Variants in MYH6 observed in about 807,000 individuals in gnomAD.
The protein encoded by MYH6 is myosin heavy chain 6.
MYH6 carries 126 observed loss-of-function variants against 223.2 expected under a neutral mutation model. The ratio of observed to expected loss-of-function variants is 0.56; its 90% CI spans 0.49 to 0.65. The LOEUF is 0.65. MYH6 is among the 30% of genes least tolerant of loss of function. The pLI is 0.00. For missense variants in MYH6, 2,040 were observed against 2,536.4 expected (o/e 0.80, Z 4.20); for synonymous variants, 978 against 1,010.2 (o/e 0.97, Z 0.61).
chr14:23,402,883 A>T, intron 10 of MYH6, 83 bp from the exon 11 acceptor site: 87 of 187,006 alleles, frequency 4.7e-4, no homozygotes, highest in Non-Finnish European at 6.1e-4. Flanking sequence ...AAAGGGAGGG[A>T]GGGGCAGGGA....
chr14:23,407,056 T>G lies in MYH6; in HGVS notation c.168A>C (p.Gly56=). The change falls in exon 3 of 39, where the codon GGA becomes GGC. Residue 56 remains glycine, a synonymous_variant. Coordinates refer to ENST00000405093, the MANE Select transcript of MYH6 (RefSeq NM_002471.4). The surrounding 1 kb of genome is among the most constrained non-coding windows in gnomAD (Gnocchi z 5.6). ...FVKAKILSRE[G]GKVIAETENG... ...TCTCGGTTTCAGCAATGACCTTGCC[T>G]CCCTCCCGGGACAAAATCTTGGCTT... The G allele has an allele frequency of 6.2e-7, 1 of 1,614,130 alleles. No individual in the cohort carries two copies. Among genetic ancestry groups the G allele is most frequent in the Non-Finnish European group, 8.5e-7 (1 of 1,180,034 alleles).
At position 23,407,362 on chromosome 14, in the gene MYH6, G is replaced by C. The variant is rs1199753861; in HGVS notation, c.-13-126C>G. 5 of 1,200,106 alleles carry C rather than the reference G, an allele frequency of 4.2e-6. No individual in the cohort carries two copies. Among genetic ancestry groups the C allele is most frequent in the African/African-American group, 1.5e-5 (1 of 66,490 alleles). 74.3% of individuals were successfully genotyped at this position (1,200,106 alleles called of 1,614,324 possible). The stretch of plus-strand genomic sequence containing the variant: ...CTCCACCCTGGGAGAGGCACCTGCT[G>C]TTGCACCCTCCCCTACTCAGGGCTC... On this transcript the variant is annotated intron_variant, in intron 2 of 38. Coordinates refer to ENST00000405093, the MANE Select transcript of MYH6 (RefSeq NM_002471.4). This position sits in a 1 kb window ranked among gnomAD's most constrained non-coding sequence, Gnocchi z 5.6.
chr14:23,389,169 G>T, intron 28 of MYH6, 114 bp from the exon 29 acceptor site: 1 of 1,300,320 alleles, frequency 7.7e-7, no homozygotes, highest in Non-Finnish European at 1.0e-6. Flanking sequence ...CATGTGGGCT[G>T]ATGTGGCACC....
chr14:23,383,820 C>T (rs1308305997), intron 36 of MYH6, among the ~76,000 whole-genome samples: 1 of 152,222 alleles, frequency 6.6e-6, no homozygotes, highest in African/African-American at 2.4e-5. Context: ...ATTCCTATCT[C>T]TTTATCATTG....
intron 38 of MYH6, 91 bp from the exon 39 acceptor site, chr14:23,382,154 A>G: frequency 7.6e-7 from 1 of 1,323,766 alleles, no homozygotes. Context: ...GGCCTAAGGG[A>G]GATGCCCTTG....
chr14:23,393,342 A>G lies in MYH6; in HGVS notation c.3105T>C (p.Asp1035=). Reference sequence around the variant, plus strand: ...CAGGAGCATGGTTCTTACTACTCACATCATCCACCTGCTGCTCCAGCTTGA... The same window carrying G: ...CAGGAGCATGGTTCTTACTACTCACGTCATCCACCTGCTGCTCCAGCTTGA... The part of the protein sequence containing the change: ...SKVKLEQQVD[D]LEGSLEQEKK... The change falls in exon 23 of 39, where the codon GAT becomes GAC. Residue 1035 remains aspartate, a splice_region_variant and synonymous_variant. Transcript: ENST00000405093. 6.2e-7 allele frequency: 1 copy of G among 1,614,182 alleles called. No homozygotes were observed. Among genetic ancestry groups the G allele is most frequent in the Non-Finnish European group, 8.5e-7 (1 of 1,180,018 alleles).
rs77416370 is a variant in MYH6, at chr14:23,386,105, C to T, written c.4986G>A (p.Ala1662=). ...LKDTQIQLDD[A]VRANDDLKEN... ...CCTTCAGGTCGTCGTTGGCACGGAC[C>T]GCATCGTCCAGCTGGATCTGGGTGT... is the stretch of plus-strand genomic sequence containing the variant. Residue 1662 remains alanine (A), a synonymous_variant, in exon 34 of 39, where the codon GCG becomes GCA. Transcript: ENST00000405093. The T allele has an allele frequency of 6.3e-4, 1,013 of 1,614,216 alleles. 4 individuals are homozygous for T. In the East Asian group the frequency reaches 0.01, roughly 16 times the overall value.
chr14:23,399,725 A>T, intron 14 of MYH6: 1 of 190,108 alleles, frequency 5.3e-6, no homozygotes, highest in Non-Finnish European at 1.1e-5. Flanking sequence ...CTCCCATTTC[A>T]TGAAGGCCGT....
Position 23,396,759 on chromosome 14 carries a change from C to T in MYH6, c.2227G>A (p.Gly743Arg). Residue 743 changes from glycine to arginine, a missense_variant, in exon 19 of 39, where the codon GGG becomes AGG. This residue lies in a region of MYH6 where 649 missense variants were observed against 877.3 expected (regional missense o/e 0.74). Transcript: ENST00000405093. ...PEGQFIDSRK[G>R]TEKLLSSLDI... is the part of the protein sequence containing the mutation. ...AGAGAGCTGAGCAGCTTCTCTGTCC[C>T]CTTCCTGCTATCAATGAACTGTCCC... is the stretch of plus-strand genomic sequence containing the variant. 6.2e-7 allele frequency: 1 copy of T among 1,614,012 alleles called. No individual in the cohort carries two copies. Among genetic ancestry groups the T allele is most frequent in the Non-Finnish European group, 8.5e-7 (1 of 1,179,872 alleles).
Position 23,407,502 on chromosome 14 carries a change from C to T in MYH6, c.-14+74G>A. The T allele has an allele frequency of 7.6e-7, 1 of 1,323,120 alleles. No individual in the cohort carries two copies. The highest frequency in any genetic ancestry group is 9.8e-7 in the Non-Finnish European group (1 of 1,023,320). The allele number at this position is 1,323,120 out of a possible 1,614,324, so 82.0% of individuals were successfully genotyped here. Reference sequence around the variant, plus strand: ...GGCGCTGAGTGCTTGGGACAGCAGACCCCTGGTCCAGCAATCCGGCTCCCA... The same window carrying T: ...GGCGCTGAGTGCTTGGGACAGCAGATCCCTGGTCCAGCAATCCGGCTCCCA... On this transcript the variant is annotated intron_variant, in intron 2 of 38. Transcript: ENST00000405093. The surrounding 1 kb of genome is among the most constrained non-coding windows in gnomAD (Gnocchi z 5.6).
intron 25 of MYH6, 74 bp downstream of exon 25, chr14:23,392,488 T>G: frequency 8.8e-7 from 1 of 1,138,432 alleles, no homozygotes; most frequent in Non-Finnish European, 1.3e-6. Context: ...TGTAGAACCC[T>G]AAGCAGCTGC....
At chr14:23,397,826 GC>G (rs1891443932) in intron 15 of MYH6, among the ~76,000 whole-genome samples, 1 of 152,148 alleles carries the variant, frequency 6.6e-6, no homozygotes, top group Non-Finnish European at 1.5e-5. Context: ...ACTGGTGCTT[GC>G]CCATAGTAGG....
In MYH6 at chr14:23,384,663, C is replaced by G. The variant is rs780530605; in HGVS notation, c.5344G>C (p.Glu1782Gln). 3 of 1,614,228 alleles carry G rather than the reference C, an allele frequency of 1.9e-6. No individual in the cohort carries two copies. Among genetic ancestry groups the G allele is most frequent in the Non-Finnish European group, 2.5e-6 (3 of 1,180,046 alleles). ...TGCTCCATGTTCTTCTTCATGCGCT[C>G]CAGGTGGGCGCTGGTGTCCTGCTCC... The part of the protein sequence containing the change: ...KKEQDTSAHL[E>Q]RMKKNMEQTI... The change falls in exon 36 of 39, where the codon GAG becomes CAG. Residue 1782 changes from glutamate (E) to glutamine (Q), a missense_variant. Glu to Gln is a conservative substitution (Grantham distance 29). Transcript: ENST00000405093.
intron 12 of MYH6, 45 bp downstream of exon 12, chr14:23,402,419 T>A: frequency 1.2e-6 from 2 of 1,610,066 alleles, no homozygotes; most frequent in Non-Finnish European, 1.7e-6. Context: ...GAGAGCCTGG[T>A]CAGCACCTCA....
chr14:23,404,883 GCATCA>G, intron 6 of MYH6, 61 bp from the exon 7 acceptor site: 1 of 1,539,596 alleles, frequency 6.5e-7, no homozygotes, highest in South Asian at 1.1e-5. Flanking sequence ...ACAGGGCTCA[GCATCA>G]CATGCTCCCC....
At chr14:23,404,172 CCAA>C (rs1891701206) in intron 8 of MYH6, 121 bp downstream of exon 8, 2 of 1,205,010 alleles carry the variant, frequency 1.7e-6, no homozygotes, top group Admixed American at 1.7e-5. Flanking sequence ...TCTCTTCCCA[CCAA>C]CGTGTGCATG....
intron 20 of MYH6, among the ~76,000 whole-genome samples, chr14:23,395,270 C>A (rs926633604): frequency 2.0e-5 from 3 of 152,204 alleles, no homozygotes; most frequent in Non-Finnish European, 4.4e-5. Flanking sequence ...CCTTTGTTTA[C>A]TAACAATATG....
intron 11 of MYH6, 25 bp downstream of exon 11, chr14:23,402,672 C>G (rs201498674): frequency 3.1e-6 from 5 of 1,613,454 alleles, no homozygotes; most frequent in Admixed American, 1.7e-5. Flanking sequence ...GTCCCTCGAA[C>G]GGCCGCAGCA....
chr14:23,397,319 C>T (rs1595059154), intron 16 of MYH6, 62 bp from the exon 17 acceptor site: 2 of 1,506,372 alleles, frequency 1.3e-6, no homozygotes, highest in Non-Finnish European at 1.8e-6. Context: ...GCCCTTAAAC[C>T]CTGGTCCCCA....
Sources: gnomAD v4.1 joint callset for allele counts (sites outside exome capture counted in the v4.1 genomes callset) on GRCh38, gnomAD v4.1.1 for gene constraint, gnomAD v4.1.1 regional missense constraint, Gnocchi (gnomAD v3.1) non-coding constraint, MANE v1.5 for transcripts, NCBI Gene and HGNC (gene_info 2026-07-23, HGNC 2026-07-21) for gene names.